Variants in CCDC158 observed in about 807,000 individuals in gnomAD.
CCDC158 encodes the protein coiled-coil domain-containing protein 158.
In CCDC158, 116 loss-of-function variants were observed where a neutral mutation model predicts 138.6. The ratio of observed to expected loss-of-function variants is 0.84; its 90% confidence interval spans 0.72 to 0.98. The LOEUF (loss-of-function observed/expected upper bound fraction) is 0.98, where lower values mean the gene tolerates loss of function less well. Among genes scored for constraint, CCDC158 ranks in the 50% least tolerant of loss-of-function variants. The pLI is 0.00. For missense variants in CCDC158, 1,265 were observed against 1,306.1 expected, an observed-to-expected ratio of 0.97 and a Z score of 0.48; for synonymous variants, 436 against 442.4, an observed-to-expected ratio of 0.99 and a Z score of 0.18.
intron 4 of CCDC158, among the ~76,000 whole-genome samples, chr4:76,388,354 C>A (rs1301738426): frequency 6.6e-6 from 1 of 152,076 alleles, no homozygotes; most frequent in Non-Finnish European, 1.5e-5. Context: ...CAGAAGGGAA[C>A]CTAGTGCCCT....
chr4:76,406,993 A>G (rs1728877719), intron 2 of CCDC158, among the ~76,000 whole-genome samples: 1 of 152,176 alleles, frequency 6.6e-6, no homozygotes, highest in South Asian at 2.1e-4. Context: ...GATAGAAAAA[A>G]GAAAAACAAT....
intron 9 of CCDC158, among the ~76,000 whole-genome samples, chr4:76,373,516 A>C (rs1725436996): frequency 6.6e-6 from 1 of 152,182 alleles, no homozygotes; most frequent in Admixed American, 6.5e-5. Context: ...CATATGACTA[A>C]GACTAACTTT....
At chr4:76,353,945 T>C (rs1461689417) in intron 15 of CCDC158, among the ~76,000 whole-genome samples, 4 of 152,206 alleles carry the variant, frequency 2.6e-5, no homozygotes, top group Admixed American at 6.5e-5. Flanking sequence ...CATTTCTTTA[T>C]GTATTTTTTC....
chr4:76,379,287 C>T lies in CCDC158; in HGVS notation c.1029+3G>A, dbSNP rs908409584. ...GAAACAGACCAGCAAAACCTAAACT[C>T]ACCTTGTCTTCATACATCCTTTTGG... On this transcript the variant is annotated splice_donor_region_variant and intron_variant, in intron 9 of 24. Coordinates refer to ENST00000682701, the MANE Select transcript of CCDC158 (RefSeq NM_001394954.1). 6.3e-7 allele frequency: 1 copy of T among 1,580,834 alleles called. No homozygotes were observed.
intron 1 of CCDC158, chr4:76,414,449 A>G (rs1417026627): frequency 1.3e-5 from 2 of 152,234 alleles, no homozygotes; most frequent in Non-Finnish European, 2.9e-5. Flanking sequence ...TTAAGGGGAA[A>G]AAAATCACAA....
upstream of CCDC158, among the ~76,000 whole-genome samples, chr4:76,421,180 G>T (rs1730098197): frequency 6.6e-6 from 1 of 151,966 alleles, no homozygotes; most frequent in African/African-American, 2.4e-5. Context: ...GGCGCTCGGG[G>T]CGCTGCCCAG....
rs371201132 is a variant in CCDC158 at position 76,329,026 on chromosome 4, CAT to C, written c.2943-61_2943-60del. 1.4e-4 allele frequency: 189 copies of C among 1,362,410 alleles called. 1 individual carries two copies. The African/African-American group carries it at 2.2e-3, about 16-fold the overall frequency. 84.4% of individuals were successfully genotyped at this position (1,362,410 alleles called of 1,614,324 possible). A position where few individuals can be genotyped will look rare whatever the true frequency, so the allele number is the denominator to read the frequency against. The stretch of plus-strand genomic sequence containing the variant: ...ATTTCACAAACACAGTACTAAGATT[CAT>C]AGATAGAAGCAAGTGAACACAGGCA... On this transcript the variant is annotated intron_variant, in intron 21 of 24. Transcript: ENST00000682701.
At chr4:76,392,066 T>C (rs1727362834) in intron 4 of CCDC158, among the ~76,000 whole-genome samples, 1 of 151,966 alleles carries the variant, frequency 6.6e-6, no homozygotes, top group Admixed American at 6.6e-5. Context: ...ACACCAATTA[T>C]ACTCAACTGT....
At chr4:76,335,663 T>C (rs1042691257) in intron 18 of CCDC158, among the ~76,000 whole-genome samples, 1 of 152,068 alleles carries the variant, frequency 6.6e-6, no homozygotes, top group African/African-American at 2.4e-5. Context: ...TACTGCAACT[T>C]CCATCTCCCA....
At chr4:76,370,807 T>C (rs1415897740) in intron 10 of CCDC158, among the ~76,000 whole-genome samples, 1 of 152,184 alleles carries the variant, frequency 6.6e-6, no homozygotes, top group Non-Finnish European at 1.5e-5. Context: ...CTCTCAGTTC[T>C]ATCCTTACCT....
At chr4:76,397,751 C>T (rs1369900808) in intron 3 of CCDC158, among the ~76,000 whole-genome samples, 1 of 152,200 alleles carries the variant, frequency 6.6e-6, no homozygotes, top group African/African-American at 2.4e-5. Flanking sequence ...GTGCTTCTAA[C>T]TTATGATTTT....
intron 12 of CCDC158, among the ~76,000 whole-genome samples, chr4:76,363,518 A>T (rs949670679): frequency 6.6e-6 from 1 of 152,162 alleles, no homozygotes; most frequent in South Asian, 2.1e-4. Flanking sequence ...ACCCTGCCAC[A>T]GTTGGCAAGG....
chr4:76,388,947 G>T (rs1727069111), intron 4 of CCDC158, among the ~76,000 whole-genome samples: 2 of 152,050 alleles, frequency 1.3e-5, no homozygotes, highest in Non-Finnish European at 2.9e-5. Context: ...TAGCATTATT[G>T]GGCTTGGGGT....
intron 4 of CCDC158, among the ~76,000 whole-genome samples, chr4:76,391,100 T>C (rs1727272789): frequency 6.6e-6 from 1 of 151,818 alleles, no homozygotes; most frequent in African/African-American, 2.4e-5. Flanking sequence ...CAAAGAAACA[T>C]AAAACCTAAT....
At chr4:76,345,104 C>T in intron 18 of CCDC158, 1 of 1,209,598 alleles carries the variant, frequency 8.3e-7, no homozygotes, top group Non-Finnish European at 1.2e-6. Context: ...TTGCCGATGT[C>T]TATATCCACA....
intron 4 of CCDC158, among the ~76,000 whole-genome samples, chr4:76,392,281 A>C (rs1270703869): frequency 6.6e-6 from 1 of 152,120 alleles, no homozygotes; most frequent in East Asian, 1.9e-4. Context: ...ATCATGACTA[A>C]GTGGGATTTA....
chr4:76,395,592 G>A (rs1727706664), intron 4 of CCDC158, among the ~76,000 whole-genome samples: 1 of 152,158 alleles, frequency 6.6e-6, no homozygotes, highest in Non-Finnish European at 1.5e-5. Flanking sequence ...CTGGGCAAAG[G>A]CATGCAGGTC....
intron 15 of CCDC158, among the ~76,000 whole-genome samples, chr4:76,354,893 G>A (rs544448056): frequency 9.9e-5 from 15 of 152,282 alleles, no homozygotes; most frequent in Non-Finnish European, 1.9e-4. Context: ...TAACAATTTA[G>A]TATGTGTAAA....
chr4:76,389,022 C>T lies in CCDC158; in HGVS notation c.289-4357G>A, dbSNP rs564773795. Among the ~76,000 whole-genome samples the T allele has an allele frequency of 2.6e-5, 4 of 152,086 alleles. No homozygotes were observed. In the East Asian group the frequency reaches 7.7e-4, roughly 29 times the overall value. On this transcript the variant is annotated intron_variant, in intron 4 of 24. Coordinates refer to ENST00000682701, the MANE Select transcript of CCDC158 (RefSeq NM_001394954.1). ...AAATAAGCTCAACTGTGAAGACTAC[C>T]ACAAATAACTAACTTCAATGCCCAG...
Sources: gnomAD v4.1 joint callset for allele counts (sites outside exome capture counted in the v4.1 genomes callset) on GRCh38, gnomAD v4.1.1 for gene constraint, MANE v1.5 for transcripts, NCBI Gene and HGNC (gene_info 2026-07-23, HGNC 2026-07-21) for gene names.